Variants in HGF observed in about 807,000 individuals in gnomAD.
HGF encodes the protein hepatocyte growth factor.
HGF carries 39 observed loss-of-function variants against 111.6 expected under a neutral mutation model. That is an observed-to-expected ratio of 0.35 (90% CI 0.27 to 0.46). HGF has a LOEUF of 0.46. Ranked by LOEUF, HGF falls within the 20% of genes least tolerant of loss-of-function variation. HGF has a pLI of 1.00. For missense variants in HGF, 735 were observed against 910.5 expected (o/e 0.81, Z 2.48); for synonymous variants, 285 against 294.8 (o/e 0.97, Z 0.34).
rs1788094019 is a variant in HGF at position 81,743,483 on chromosome 7, AC to A, written c.747-13del. ...CCTTGTCGGGATATCTGCAAACCAC[AC>A]CAAGAAAAGTGTCACGTAAATCTGC... On this transcript the variant is annotated splice_polypyrimidine_tract_variant and intron_variant, in intron 6 of 17. Coordinates refer to ENST00000222390, the MANE Select transcript of HGF (RefSeq NM_000601.6). 1.3e-6 allele frequency: 2 copies of A among 1,541,522 alleles called. No individual in the cohort carries two copies. The highest frequency in any genetic ancestry group is 2.2e-5 in the East Asian group (1 of 44,546).
intron 10 of HGF, among the ~76,000 whole-genome samples, chr7:81,719,235 C>T (rs528551921): frequency 6.6e-6 from 1 of 152,344 alleles, no homozygotes; most frequent in East Asian, 1.9e-4. Context: ...CAGCTAATTT[C>T]CCTTCCTTTA....
At chr7:81,762,960 C>T in intron 1 of HGF, 88 bp from the exon 2 acceptor site, 3 of 795,200 alleles carry the variant, frequency 3.8e-6, no homozygotes, top group Non-Finnish European at 4.2e-6. Context: ...GGATCATCTA[C>T]AAGAAAGTGA....
intron 12 of HGF, among the ~76,000 whole-genome samples, chr7:81,710,631 G>A (rs2115801510): frequency 6.6e-6 from 1 of 151,918 alleles, no homozygotes; most frequent in African/African-American, 2.4e-5. Flanking sequence ...TAGATTCAGT[G>A]AAAAAAACAA....
chr7:81,724,247 A>G (rs1355487379), intron 9 of HGF, among the ~76,000 whole-genome samples: 1 of 152,216 alleles, frequency 6.6e-6, no homozygotes, highest in Non-Finnish European at 1.5e-5. Context: ...CCTTAAAGGA[A>G]CAGTGAAATT....
At chr7:81,737,103 A>G (rs1336574765) in intron 7 of HGF, among the ~76,000 whole-genome samples, 1 of 152,088 alleles carries the variant, frequency 6.6e-6, no homozygotes, top group Non-Finnish European at 1.5e-5. Flanking sequence ...TGTAGAAGAT[A>G]AAATTGACAG....
In HGF at chr7:81,706,144, C is replaced by T. The variant is rs5745752; in HGVS notation, c.1757+143G>A. ...ATACTCACAGAGAGACCCAAACGCA[C>T]GCATATATACATATATATACAGCAT... On this transcript the variant is annotated intron_variant, in intron 15 of 17. Coordinates refer to ENST00000222390, the MANE Select transcript of HGF (RefSeq NM_000601.6). 213,829 of 743,018 alleles carry T rather than the reference C, an allele frequency of 0.29. 31,986 individuals are homozygous for T. The highest frequency in any genetic ancestry group is 0.34 in the South Asian group (21,669 of 63,070). The allele number at this position is 743,018 out of a possible 1,614,324, so 46.0% of individuals were successfully genotyped here.
chr7:81,714,863 G>A (rs1025302597), intron 11 of HGF, among the ~76,000 whole-genome samples: 3 of 151,684 alleles, frequency 2.0e-5, no homozygotes, highest in Non-Finnish European at 4.4e-5. Flanking sequence ...ACAAATCCTG[G>A]CTATAAATAT....
chr7:81,765,285 T>G (rs2116258350), intron 1 of HGF, among the ~76,000 whole-genome samples: 1 of 152,224 alleles, frequency 6.6e-6, no homozygotes, highest in African/African-American at 2.4e-5. Context: ...CTCCGTGGAA[T>G]TTTTGATTGT....
At chr7:81,743,264 A>C in intron 7 of HGF, 89 bp downstream of exon 7, 1 of 828,104 alleles carries the variant, frequency 1.2e-6, no homozygotes, top group Admixed American at 1.7e-5. Flanking sequence ...CATCAAGTTA[A>C]ATAGTTGTTA....
In HGF at chr7:81,702,493, G is replaced by C. The variant is rs977727635; in HGVS notation, c.*88C>G. 2 of 1,086,734 alleles carry C rather than the reference G, an allele frequency of 1.8e-6. No homozygotes were observed. Among genetic ancestry groups the C allele is most frequent in the Admixed American group, 3.5e-5 (2 of 57,416 alleles). 67.3% of individuals were successfully genotyped at this position (1,086,734 alleles called of 1,614,324 possible). The stretch of plus-strand genomic sequence containing the variant: ...CTCCAGTAGTTGTCTTAGGATTGTT[G>C]TAAGTGACATTTTAAATTCCACATT... On this transcript the variant is annotated 3_prime_UTR_variant, in exon 18 of 18. Transcript: ENST00000222390.
At chr7:81,758,028 T>C (rs564733444) in intron 3 of HGF, among the ~76,000 whole-genome samples, 2 of 151,762 alleles carry the variant, frequency 1.3e-5, no homozygotes, top group East Asian at 1.9e-4. Context: ...AAAACATCTA[T>C]ATATTGTACC....
At chr7:81,728,204 GC>G (rs1790070467) in intron 8 of HGF, among the ~76,000 whole-genome samples, 1 of 152,154 alleles carries the variant, frequency 6.6e-6, no homozygotes, top group Admixed American at 6.5e-5. Context: ...CACCGCACAA[GC>G]TTTGTTTCTT....
At chr7:81,709,939 T>C (rs973831878) in intron 13 of HGF, among the ~76,000 whole-genome samples, 1 of 152,112 alleles carries the variant, frequency 6.6e-6, no homozygotes, top group Non-Finnish European at 1.5e-5. Flanking sequence ...TTTGTGAAGA[T>C]TTAAAAAGGC....
At chr7:81,747,340 A>G (rs1788309470) in intron 5 of HGF, among the ~76,000 whole-genome samples, 1 of 152,160 alleles carries the variant, frequency 6.6e-6, no homozygotes. Flanking sequence ...CTCCGTCTCA[A>G]AAAATAAAAA....
rs1019098648 is a variant in HGF at position 81,726,275 on chromosome 7, A to G, written c.1041-258T>C. Among the ~76,000 whole-genome samples, 39 of 152,154 alleles carry G rather than the reference A, an allele frequency of 2.6e-4. 1 individual carries two copies. Among genetic ancestry groups the G allele is most frequent in the Admixed American group, 2.0e-3 (30 of 15,276 alleles). ...AGTTTCACCCAAACATTACTGCTTC[A>G]TAAAAGAGAGAAACGGTACCGCTGC... On this transcript the variant is annotated intron_variant, in intron 8 of 17. Coordinates refer to ENST00000222390, the MANE Select transcript of HGF (RefSeq NM_000601.6).
In HGF at chr7:81,729,133, T is replaced by G. The variant is rs1351581361; in HGVS notation, c.1040+472A>C. Among the ~76,000 whole-genome samples the G allele has an allele frequency of 2.3e-4, 9 of 39,244 alleles. 2 individuals are homozygous for G. Among genetic ancestry groups the G allele is most frequent in the African/African-American group, 6.7e-4 (9 of 13,372 alleles). 25.7% of individuals were successfully genotyped at this position (39,244 alleles called of 152,430 possible). On this transcript the variant is annotated intron_variant, in intron 8 of 17. Transcript: ENST00000222390. ...ACACATTCATTTAAGCTTTGAAAAA[T>G]TATTTTATTCACAGATCTTTAAGGC...
chr7:81,767,659 T>G (rs1051667480), intron 1 of HGF, among the ~76,000 whole-genome samples: 3 of 152,164 alleles, frequency 2.0e-5, no homozygotes, highest in African/African-American at 7.2e-5. Context: ...CGGGGGCCCA[T>G]TATATTGAAT....
chr7:81,751,373 C>T, intron 5 of HGF: 5 of 985,120 alleles, frequency 5.1e-6, no homozygotes, highest in Non-Finnish European at 6.0e-6. Flanking sequence ...AAAATGAAAC[C>T]ACATACAATG....
intron 10 of HGF, among the ~76,000 whole-genome samples, chr7:81,718,335 T>C (rs1408736550): frequency 6.6e-6 from 1 of 152,150 alleles, no homozygotes; most frequent in Non-Finnish European, 1.5e-5. Flanking sequence ...ACCAATCTTA[T>C]GAGATAGTCT....
Sources: gnomAD v4.1 joint callset for allele counts (sites outside exome capture counted in the v4.1 genomes callset) on GRCh38, gnomAD v4.1.1 for gene constraint, MANE v1.5 for transcripts, NCBI Gene and HGNC (gene_info 2026-07-23, HGNC 2026-07-21) for gene names.